DOCK5: variants seen among roughly 807,000 people sequenced by gnomAD.
DOCK5 encodes dedicator of cytokinesis 5.
Under a neutral mutation model 251.8 loss-of-function variants are expected in DOCK5, and 142 were observed. The observed-to-expected ratio is 0.56, with a 90% CI of 0.49 to 0.65. The LOEUF (loss-of-function observed/expected upper bound fraction) is 0.65. Among genes scored for constraint, DOCK5 ranks in the 30% least tolerant of loss-of-function variants. DOCK5 has a pLI of 0.00. For missense variants in DOCK5, 2,111 were observed against 2,312.3 expected (o/e 0.91, Z 1.79); for synonymous variants, 842 against 835.5 (o/e 1.01, Z -0.13).
chr8:25,375,102 C>T (rs1400727811), intron 37 of DOCK5: 3 of 661,886 alleles, frequency 4.5e-6, no homozygotes, highest in South Asian at 3.7e-5. Context: ...TTATTTCTAG[C>T]CCTGAGCACC....
chr8:25,383,241 T>C (rs1415455848), intron 40 of DOCK5, among the ~76,000 whole-genome samples: 1 of 152,210 alleles, frequency 6.6e-6, no homozygotes, highest in African/African-American at 2.4e-5. Context: ...CGATATTCAA[T>C]TTATAGTTTA....
chr8:25,233,597 C>G (rs933805078), intron 1 of DOCK5, among the ~76,000 whole-genome samples: 1 of 152,122 alleles, frequency 6.6e-6, no homozygotes, highest in African/African-American at 2.4e-5. Flanking sequence ...GGAACAGAAG[C>G]CTGCAAAGAT....
At chr8:25,225,597 T>C (rs1013529695) in intron 1 of DOCK5, among the ~76,000 whole-genome samples, 1 of 151,696 alleles carries the variant, frequency 6.6e-6, no homozygotes, top group Non-Finnish European at 1.5e-5. Context: ...TCCCAGCTAT[T>C]TGGGAGGCTG....
At chr8:25,394,708 GTTCTT>G (rs915535417) in intron 44 of DOCK5, among the ~76,000 whole-genome samples, 2 of 152,130 alleles carry the variant, frequency 1.3e-5, no homozygotes, top group Non-Finnish European at 2.9e-5. Flanking sequence ...TACAGGTCCA[GTTCTT>G]TTCTTCTCAA....
chr8:25,205,400 C>T (rs953743126), intron 1 of DOCK5, among the ~76,000 whole-genome samples: 3 of 152,216 alleles, frequency 2.0e-5, no homozygotes, highest in Non-Finnish European at 4.4e-5. Context: ...GGACTTCCAG[C>T]CCCCAGAGCT....
chr8:25,368,398 G>A, intron 32 of DOCK5, 148 bp downstream of exon 32: 1 of 1,078,076 alleles, frequency 9.3e-7, no homozygotes, highest in Non-Finnish European at 1.3e-6. Context: ...GGGTTTCATT[G>A]ACAATGAACT....
At chr8:25,408,318 A>G (rs572535278) in intron 49 of DOCK5, among the ~76,000 whole-genome samples, 164 bp downstream of exon 49, 2 of 152,296 alleles carry the variant, frequency 1.3e-5, no homozygotes, top group African/African-American at 2.4e-5. Context: ...TAAGGAAAGC[A>G]CATACCTCAT....
At position 25,380,390 on chromosome 8, in the gene DOCK5, T is replaced by A; in HGVS notation, c.4022T>A (p.Leu1341His). ...KVFDYEGLGNLLKKRASFYEN... is the reference protein window; with the variant it reads ...KVFDYEGLGNHLKKRASFYEN... ...TTTGACTACGAGGGCCTTGGCAACC[T>A]CCTGGTGAGTCTGGGTCAAAATATG... Residue 1341 changes from leucine to histidine, a missense_variant, in exon 39 of 52, where the codon CTC becomes CAC. Physicochemically the swap from Leu to His is moderately conservative, Grantham distance 99. Transcript: ENST00000276440. 2 of 1,606,824 alleles carry A rather than the reference T, an allele frequency of 1.2e-6. No homozygotes were observed. The highest frequency in any genetic ancestry group is 1.7e-6 in the Non-Finnish European group (2 of 1,176,332).
chr8:25,298,927 GT>G lies in DOCK5; in HGVS notation c.607-15del. On this transcript the variant is annotated splice_polypyrimidine_tract_variant and intron_variant, in intron 7 of 51. Transcript: ENST00000276440. The stretch of plus-strand genomic sequence containing the variant: ...TGCCAAAATCAAGATGTTTTTCTCT[GT>G]TCCCTCTTTGTTCAGTCAATCCTGC... 3.8e-6 allele frequency: 6 copies of G among 1,578,534 alleles called. No individual in the cohort carries two copies. In the South Asian group the frequency reaches 7.0e-5, roughly 18 times the overall value.
In DOCK5 at chr8:25,389,082, C is replaced by T. The variant is rs778357732; in HGVS notation, c.4132-9C>T. 1.2e-5 allele frequency: 20 copies of T among 1,613,338 alleles called. No individual in the cohort carries two copies. The African/African-American group carries it at 1.6e-4, about 13-fold the overall frequency. Reference sequence around the variant, plus strand: ...TGTAATGACTTCCCTTTCTGTGTCTCACCTGCAGAATAAAATCTTCATCTA... The same window carrying T: ...TGTAATGACTTCCCTTTCTGTGTCTTACCTGCAGAATAAAATCTTCATCTA... On this transcript the variant is annotated splice_polypyrimidine_tract_variant and intron_variant, in intron 40 of 51. Coordinates refer to ENST00000276440, the MANE Select transcript of DOCK5 (RefSeq NM_024940.8).
chr8:25,295,845 G>T (rs1804603691), intron 6 of DOCK5, among the ~76,000 whole-genome samples: 1 of 152,038 alleles, frequency 6.6e-6, no homozygotes, highest in South Asian at 2.1e-4. Flanking sequence ...TTTCAGACAG[G>T]GTCTTGCTTT....
Position 25,212,607 on chromosome 8 carries a change from G to A in DOCK5, c.43+27656G>A, listed in dbSNP as rs1233969243. 9.8e-5 allele frequency among the ~76,000 whole-genome samples: 7 copies of A among 71,504 alleles called. 3 individuals are homozygous for A. The highest frequency in any genetic ancestry group is 6.2e-4 in the Admixed American group (4 of 6,424). 46.9% of individuals were successfully genotyped at this position (71,504 alleles called of 152,430 possible). A position where few individuals can be genotyped will look rare whatever the true frequency, so the allele number is the denominator to read the frequency against. ...AAAACATCTGGATCCCATTTCACTT[G>A]CGAAGTCTGTTTTGAAAGGAAATAT... is the stretch of plus-strand genomic sequence containing the variant. On this transcript the variant is annotated intron_variant, in intron 1 of 51. Transcript: ENST00000276440.
chr8:25,264,934 A>G (rs1302156409), intron 2 of DOCK5, among the ~76,000 whole-genome samples: 1 of 152,058 alleles, frequency 6.6e-6, no homozygotes, highest in East Asian at 1.9e-4. Flanking sequence ...TCCATGGCAT[A>G]TAATACCTGT....
chr8:25,360,409 G>A (rs541769675), intron 28 of DOCK5, among the ~76,000 whole-genome samples: 10 of 152,236 alleles, frequency 6.6e-5, no homozygotes, highest in Non-Finnish European at 2.9e-5. Flanking sequence ...GAGACCAGGC[G>A]CAAGAGGCCC....
intron 1 of DOCK5, among the ~76,000 whole-genome samples, chr8:25,235,608 T>A (rs1045573042): frequency 1.3e-5 from 2 of 152,094 alleles, no homozygotes; most frequent in African/African-American, 2.4e-5. Context: ...GCTGTAAGCA[T>A]TTCATATAAA....
chr8:25,246,098 A>G lies in DOCK5; in HGVS notation c.127+2341A>G, dbSNP rs547999327. Among the ~76,000 whole-genome samples the G allele has an allele frequency of 6.6e-5, 10 of 152,172 alleles. No individual in the cohort carries two copies. The South Asian group carries it at 2.1e-3, about 32-fold the overall frequency. Reference sequence around the variant, plus strand: ...TTTAATTCCTATTTATTAAACCTTTATCATTGTCTTACTCTGTAGTAACAT... The same window carrying G: ...TTTAATTCCTATTTATTAAACCTTTGTCATTGTCTTACTCTGTAGTAACAT... On this transcript the variant is annotated intron_variant, in intron 2 of 51. Coordinates refer to ENST00000276440, the MANE Select transcript of DOCK5 (RefSeq NM_024940.8).
chr8:25,347,853 C>T (rs1053086700), intron 26 of DOCK5, among the ~76,000 whole-genome samples: 1 of 152,040 alleles, frequency 6.6e-6, no homozygotes, highest in Non-Finnish European at 1.5e-5. Context: ...CACTTCTGAC[C>T]CTATTGTTTA....
chr8:25,338,160 G>A, intron 22 of DOCK5, among the ~76,000 whole-genome samples: 1 of 151,702 alleles, frequency 6.6e-6, no homozygotes, highest in East Asian at 1.9e-4. Context: ...TCCAACCTTA[G>A]CCCCCCAAGT....
intron 1 of DOCK5, among the ~76,000 whole-genome samples, chr8:25,214,281 C>A (rs1053244722): frequency 6.6e-6 from 1 of 152,054 alleles, no homozygotes; most frequent in Non-Finnish European, 1.5e-5. Context: ...TTTGCCTGTT[C>A]CTCTTTGATC....
Sources: gnomAD v4.1 joint callset for allele counts (sites outside exome capture counted in the v4.1 genomes callset) on GRCh38, gnomAD v4.1.1 for gene constraint, MANE v1.5 for transcripts, NCBI Gene and HGNC (gene_info 2026-07-23, HGNC 2026-07-21) for gene names.